The following FBLN7 variants were observed in gnomAD, a reference collection of about 807,000 sequenced individuals.
The protein encoded by FBLN7 is fibulin 7.
FBLN7 carries 31 observed loss-of-function variants against 44.0 expected under a neutral mutation model. The observed-to-expected ratio is 0.70, with a 90% CI of 0.53 to 0.95. FBLN7 has a LOEUF of 0.95. Among genes scored for constraint, FBLN7 ranks in the 40% least tolerant of loss-of-function variants. The pLI, the probability that FBLN7 is intolerant of heterozygous loss-of-function variation, is 0.00. For missense variants in FBLN7, 573 were observed against 618.5 expected (o/e 0.93, Z 0.78); for synonymous variants, 262 against 253.4 (o/e 1.03, Z -0.32).
chr2:112,161,467 C>T lies in FBLN7; in HGVS notation c.235+1632C>T, dbSNP rs532204823. On this transcript the variant is annotated intron_variant, in intron 2 of 7. Transcript: ENST00000331203. ...CCCAAGCCCTCACTGGGGCTCCACACACCCCAACTCCATGGTGCAGGCAGG... is the reference window on the plus strand; with the variant it reads ...CCCAAGCCCTCACTGGGGCTCCACATACCCCAACTCCATGGTGCAGGCAGG... Among the ~76,000 whole-genome samples the T allele has an allele frequency of 5.9e-5, 9 of 152,356 alleles. No homozygotes were observed. The South Asian group carries it at 1.7e-3, about 28-fold the overall frequency.
downstream of FBLN7, among the ~76,000 whole-genome samples, chr2:112,192,333 G>A (rs1368016572): frequency 6.6e-6 from 1 of 152,176 alleles, no homozygotes; most frequent in African/African-American, 2.4e-5. Flanking sequence ...GAAGGCCCCA[G>A]TGACGCCTCC....
intron 1 of FBLN7, among the ~76,000 whole-genome samples, chr2:112,156,759 C>A (rs932332365): frequency 2.9e-4 from 44 of 152,302 alleles, no homozygotes; most frequent in African/African-American, 1.0e-3. Context: ...CAGGAGCCCC[C>A]GGGATTAACG....
the FBLN7 span, among the ~76,000 whole-genome samples, chr2:112,219,554 G>A: frequency 3.9e-5 from 6 of 152,120 alleles, no homozygotes; most frequent in Non-Finnish European, 5.9e-5. Flanking sequence ...TCAGGACCAG[G>A]TTAACTTCCA....
chr2:112,173,466 A>C (rs1287904113), intron 3 of FBLN7, among the ~76,000 whole-genome samples: 1 of 152,192 alleles, frequency 6.6e-6, no homozygotes, highest in Non-Finnish European at 1.5e-5. Flanking sequence ...GATTGGAAAA[A>C]TGAAAAACAG....
intron 3 of FBLN7, among the ~76,000 whole-genome samples, chr2:112,171,316 A>G (rs1322656319): frequency 6.6e-6 from 1 of 152,152 alleles, no homozygotes; most frequent in African/African-American, 2.4e-5. Flanking sequence ...GGCACTGAGA[A>G]GTCAAATGGA....
intron 1 of FBLN7, among the ~76,000 whole-genome samples, chr2:112,158,151 C>A (rs565673466): frequency 6.8e-6 from 1 of 147,968 alleles, no homozygotes; most frequent in African/African-American, 2.5e-5. Flanking sequence ...CCCGCCTCGG[C>A]CTCCCAAAGT....
chr2:112,229,600 C>A, the FBLN7 span, among the ~76,000 whole-genome samples: 1 of 152,164 alleles, frequency 6.6e-6, no homozygotes, highest in Non-Finnish European at 1.5e-5. Context: ...ACTGACCCAG[C>A]AGATCTGCCA....
chr2:112,160,539 A>G (rs1558879330), intron 2 of FBLN7, among the ~76,000 whole-genome samples: 1 of 151,998 alleles, frequency 6.6e-6, no homozygotes, highest in Non-Finnish European at 1.5e-5. Flanking sequence ...TTTTGTTTTC[A>G]TTTTTGATTT....
intron 1 of FBLN7, chr2:112,152,027 T>A (rs1681182922): frequency 6.6e-6 from 1 of 152,218 alleles, no homozygotes; most frequent in African/African-American, 2.4e-5. Flanking sequence ...CCTCATTCAC[T>A]CGTTCACTCG....
chr2:112,183,415 G>A (rs190519506), intron 6 of FBLN7, among the ~76,000 whole-genome samples: 27 of 152,326 alleles, frequency 1.8e-4, no homozygotes, highest in Non-Finnish European at 2.4e-4. Flanking sequence ...TGGTAGCTGA[G>A]GACAACAAGG....
At chr2:112,238,573 C>T in the FBLN7 span, 6 of 1,494,466 alleles carry the variant, frequency 4.0e-6, no homozygotes, top group South Asian at 7.5e-5. Context: ...TAGCATGATT[C>T]AAAACAATCT....
the FBLN7 span, chr2:112,211,475 T>C: frequency 1.3e-5 from 2 of 152,308 alleles, no homozygotes; most frequent in South Asian, 4.1e-4. Flanking sequence ...TGAAAAAATC[T>C]TCATTATGCT....
chr2:112,172,023 AGGC>A lies in FBLN7; in HGVS notation c.407-3686_407-3684del, dbSNP rs529456188. Among the ~76,000 whole-genome samples the A allele has an allele frequency of 3.8e-3, 581 of 152,342 alleles. 6 individuals are homozygous for A. The highest frequency in any genetic ancestry group is 0.013 in the African/African-American group (552 of 41,580). ...CGGCCTCCCAAAGTGCTAGGATTAC[AGGC>A]GGCGCTAGCCACCGCACCCGACCAT... On this transcript the variant is annotated intron_variant, in intron 3 of 7. Coordinates refer to ENST00000331203, the MANE Select transcript of FBLN7 (RefSeq NM_153214.3).
chr2:112,167,916 T>TTATGTTATGTTATGTTA (rs879705773), intron 3 of FBLN7, among the ~76,000 whole-genome samples: 1 of 152,174 alleles, frequency 6.6e-6, no homozygotes. Context: ...TTATGTTATG[T>TTATGTTATGTTATGTTA]TATGTTCACT....
intron 4 of FBLN7, 126 bp downstream of exon 4, chr2:112,175,965 C>G: frequency 1.6e-6 from 2 of 1,218,320 alleles, no homozygotes; most frequent in South Asian, 3.4e-5. Context: ...AGCTTTTCCT[C>G]TCTGTTTCAC....
chr2:112,184,176 A>G (rs961116429), intron 6 of FBLN7, among the ~76,000 whole-genome samples: 2 of 152,164 alleles, frequency 1.3e-5, no homozygotes, highest in African/African-American at 4.8e-5. Flanking sequence ...GAGGGTGGAC[A>G]GGCCCACCTC....
chr2:112,159,387 C>G (rs1378862117), intron 1 of FBLN7, among the ~76,000 whole-genome samples: 1 of 152,184 alleles, frequency 6.6e-6, no homozygotes, highest in Non-Finnish European at 1.5e-5. Context: ...GAGAATCTCT[C>G]AGAGTGGCAG....
the FBLN7 span, among the ~76,000 whole-genome samples, chr2:112,204,694 G>T: frequency 6.6e-6 from 1 of 152,028 alleles, no homozygotes; most frequent in Non-Finnish European, 1.5e-5. Flanking sequence ...CCAAGAATTC[G>T]ATATCAGCCA....
downstream of FBLN7, among the ~76,000 whole-genome samples, chr2:112,192,294 T>C (rs1683516134): frequency 6.6e-6 from 1 of 152,178 alleles, no homozygotes; most frequent in Non-Finnish European, 1.5e-5. Context: ...CCAACAGCAA[T>C]GTATGAACAT....
Sources: gnomAD v4.1 joint callset for allele counts (sites outside exome capture counted in the v4.1 genomes callset) on GRCh38, gnomAD v4.1.1 for gene constraint, MANE v1.5 for transcripts, NCBI Gene and HGNC (gene_info 2026-07-23, HGNC 2026-07-21) for gene names.